Variants in SCAMP1 observed in about 807,000 individuals in gnomAD.
The protein encoded by SCAMP1 is secretory carrier membrane protein 1, also known as secretory carrier-associated membrane protein 1.
A neutral mutation model predicts 41.8 loss-of-function variants in SCAMP1; 15 were observed. That is an observed-to-expected ratio of 0.36 (90% CI 0.24 to 0.55). The LOEUF (loss-of-function observed/expected upper bound fraction) is 0.55, where lower values mean the gene tolerates loss of function less well. Ranked by LOEUF, SCAMP1 falls within the 20% of genes least tolerant of loss-of-function variation. The probability of loss-of-function intolerance (pLI) is 0.86; values close to 1 mark genes in which losing one functional copy is unlikely to be tolerated. For missense variants in SCAMP1, 341 were observed against 412.6 expected, an observed-to-expected ratio of 0.83 and a Z score of 1.50; for synonymous variants, 135 against 136.8, an observed-to-expected ratio of 0.99 and a Z score of 0.09.
rs188554530 is a variant in SCAMP1, at chr5:78,418,044, A to G, written c.344-731A>G. Reference sequence around the variant, plus strand: ...TTTATTTTAATTTTTTATTTCCCCCACCATTTCTCAAGTCTTATTTTTAAT... The same window carrying G: ...TTTATTTTAATTTTTTATTTCCCCCGCCATTTCTCAAGTCTTATTTTTAAT... On this transcript the variant is annotated intron_variant, in intron 4 of 8. Coordinates refer to ENST00000621999, the MANE Select transcript of SCAMP1 (RefSeq NM_004866.6). 8.1e-3 allele frequency among the ~76,000 whole-genome samples: 1,227 copies of G among 152,058 alleles called. 6 individuals carry two copies. The highest frequency in any genetic ancestry group is 0.034 in the South Asian group (164 of 4,804).
chr5:78,365,325 T>G (rs1750766761), intron 1 of SCAMP1, among the ~76,000 whole-genome samples: 1 of 151,454 alleles, frequency 6.6e-6, no homozygotes, highest in Non-Finnish European at 1.5e-5. Context: ...ACACAAAAAA[T>G]TAGCTTGGCG....
rs149658720 is a variant in SCAMP1 at position 78,472,266 on chromosome 5, G to C, written c.853-3238G>C. Among the ~76,000 whole-genome samples, 67 of 152,016 alleles carry C rather than the reference G, an allele frequency of 4.4e-4. 1 individual carries two copies. Among genetic ancestry groups the C allele is most frequent in the African/African-American group, 1.6e-3 (65 of 41,480 alleles). ...ATATTTTTTCTTTTTGATACTTTAT[G>C]TTCTGGGATACATGTGCAGAACATG... On this transcript the variant is annotated intron_variant, in intron 8 of 8. Coordinates refer to ENST00000621999, the MANE Select transcript of SCAMP1 (RefSeq NM_004866.6).
intron 7 of SCAMP1, among the ~76,000 whole-genome samples, chr5:78,455,502 G>A (rs1753367987): frequency 7.6e-6 from 1 of 130,766 alleles, no homozygotes; most frequent in African/African-American, 3.0e-5. Context: ...TTTTGAGTGA[G>A]ATTCTTAATC....
At position 78,444,570 on chromosome 5, in the gene SCAMP1, G is replaced by A. The variant is rs1040853506; in HGVS notation, c.633-5363G>A. Reference sequence around the variant, plus strand: ...AAGATGAGATTTGAGTGGGGACACAGCCAAATTCTATCAGTTTCTTTTTAT... The same window carrying A: ...AAGATGAGATTTGAGTGGGGACACAACCAAATTCTATCAGTTTCTTTTTAT... On this transcript the variant is annotated intron_variant, in intron 6 of 8. Coordinates refer to ENST00000621999, the MANE Select transcript of SCAMP1 (RefSeq NM_004866.6). Among the ~76,000 whole-genome samples, 6 of 152,298 alleles carry A rather than the reference G, an allele frequency of 3.9e-5. No individual in the cohort carries two copies. In the East Asian group the frequency reaches 9.7e-4, roughly 25 times the overall value.
chr5:78,453,724 A>G (rs1753305131), intron 7 of SCAMP1, among the ~76,000 whole-genome samples: 1 of 152,224 alleles, frequency 6.6e-6, no homozygotes, highest in Admixed American at 6.5e-5. Context: ...TCTGTGAAGA[A>G]AGTCATTGGT....
chr5:78,381,840 TAGGC>T (rs745711237), intron 1 of SCAMP1, among the ~76,000 whole-genome samples: 17 of 152,206 alleles, frequency 1.1e-4, no homozygotes, highest in Non-Finnish European at 2.2e-4. Context: ...GCTGGAAAAA[TAGGC>T]AGGCTAGATG....
chr5:78,440,701 C>T (rs1048691143), intron 6 of SCAMP1, among the ~76,000 whole-genome samples: 1 of 152,198 alleles, frequency 6.6e-6, no homozygotes, highest in Non-Finnish European at 1.5e-5. Flanking sequence ...AGATCTCAAA[C>T]TCCATGCTAG....
rs1752394133 is a variant in SCAMP1, at chr5:78,423,600, CTGT to C, written c.632+1642_632+1644del. Among the ~76,000 whole-genome samples the C allele has an allele frequency of 2.0e-5, 3 of 151,976 alleles. No individual in the cohort carries two copies. The South Asian group carries it at 6.2e-4, about 32-fold the overall frequency. On this transcript the variant is annotated intron_variant, in intron 6 of 8. Transcript: ENST00000621999. ...CTAGGGAATTTGGATTTTAAACCTT[CTGT>C]TACTTATGTAGCCAAAATAAATGAC...
intron 1 of SCAMP1, among the ~76,000 whole-genome samples, chr5:78,384,179 TC>T (rs66732090): frequency 0.33 from 21,893 of 66,254 alleles, 3,126 homozygotes; most frequent in Admixed American, 0.49. Context: ...AAGTTTTTTT[TC>T]TTTTTTTTTT....
Position 78,478,214 on chromosome 5 carries a change from G to A in SCAMP1, c.*2546G>A, listed in dbSNP as rs1482796568. ...TCCCTCTAATGTTGCATGTTTCAGT[G>A]GGTTGGAAGTTTTGTATATTTATTG... is the stretch of plus-strand genomic sequence containing the variant. On this transcript the variant is annotated 3_prime_UTR_variant, in exon 9 of 9. Coordinates refer to ENST00000621999, the MANE Select transcript of SCAMP1 (RefSeq NM_004866.6). The A allele has an allele frequency of 6.6e-6, 1 of 152,598 alleles. No individual in the cohort carries two copies. The allele number at this position is 152,598 out of a possible 1,614,324, so 9.5% of individuals were successfully genotyped here.
chr5:78,459,172 G>A, intron 7 of SCAMP1, 73 bp from the exon 8 acceptor site: 2 of 735,130 alleles, frequency 2.7e-6, no homozygotes, highest in Non-Finnish European at 4.9e-6. Flanking sequence ...TGTTGAATAT[G>A]TGTTAGATAT....
intron 1 of SCAMP1, among the ~76,000 whole-genome samples, chr5:78,383,142 G>T (rs1402820333): frequency 6.6e-6 from 1 of 152,166 alleles, no homozygotes; most frequent in Non-Finnish European, 1.5e-5. Flanking sequence ...TTTTGCAGGA[G>T]TAAGTTGGTA....
At position 78,419,455 on chromosome 5, in the gene SCAMP1, G is replaced by A. The variant is rs550295653; in HGVS notation, c.472+552G>A. 7.2e-4 allele frequency among the ~76,000 whole-genome samples: 109 copies of A among 152,190 alleles called. 1 individual carries two copies. The South Asian group carries it at 0.021, about 30-fold the overall frequency. On this transcript the variant is annotated intron_variant, in intron 5 of 8. Transcript: ENST00000621999. The stretch of plus-strand genomic sequence containing the variant: ...TGTTGAACGGAACATTAGAATATAC[G>A]TTTGGGGCTCTGATGCTTACATCAC...
chr5:78,402,801 G>T (rs1409437037), intron 2 of SCAMP1, among the ~76,000 whole-genome samples: 1 of 150,368 alleles, frequency 6.7e-6, no homozygotes, highest in Non-Finnish European at 1.5e-5. Context: ...GATTTAGTTG[G>T]GTTAATATAT....
rs140625846 is a variant in SCAMP1 at position 78,441,394 on chromosome 5, T to C, written c.633-8539T>C. 5.5e-3 allele frequency among the ~76,000 whole-genome samples: 832 copies of C among 152,340 alleles called. 4 individuals are homozygous for C. Among genetic ancestry groups the C allele is most frequent in the African/African-American group, 0.019 (787 of 41,580 alleles). ...GGTTTGAAGTTATGTTAACACTTTATTGAAGAGTTTAGGGGGGAAAATGAT... is the reference window on the plus strand; with the variant it reads ...GGTTTGAAGTTATGTTAACACTTTACTGAAGAGTTTAGGGGGGAAAATGAT... On this transcript the variant is annotated intron_variant, in intron 6 of 8. Coordinates refer to ENST00000621999, the MANE Select transcript of SCAMP1 (RefSeq NM_004866.6).
In SCAMP1 at chr5:78,415,394, A is replaced by G. The variant is rs139212944; in HGVS notation, c.136-126A>G. On this transcript the variant is annotated intron_variant, in intron 2 of 8. Coordinates refer to ENST00000621999, the MANE Select transcript of SCAMP1 (RefSeq NM_004866.6). ...GCAGCTCTTTGCCACACACTTGACT[A>G]TGAGAGAGCAGGGAATGAAGAGATG... The G allele has an allele frequency of 6.9e-4, 429 of 622,172 alleles. 7 individuals are homozygous for G. The highest frequency in any genetic ancestry group is 6.8e-3 in the South Asian group (333 of 49,250). The allele number at this position is 622,172 out of a possible 1,614,324, so 38.5% of individuals were successfully genotyped here. A position where few individuals can be genotyped will look rare whatever the true frequency, so the allele number is the denominator to read the frequency against.
intron 8 of SCAMP1, among the ~76,000 whole-genome samples, chr5:78,470,180 T>A (rs971661883): frequency 6.6e-6 from 1 of 152,150 alleles, no homozygotes; most frequent in Non-Finnish European, 1.5e-5. Context: ...TGGCAAAATA[T>A]GTATAACATA....
At chr5:78,410,041 A>C (rs1446035032) in intron 2 of SCAMP1, among the ~76,000 whole-genome samples, 2 of 151,650 alleles carry the variant, frequency 1.3e-5, no homozygotes, top group African/African-American at 2.4e-5. Context: ...TCAAGATAGC[A>C]GTTCTAAATG....
At chr5:78,376,099 G>T (rs1014851437) in intron 1 of SCAMP1, among the ~76,000 whole-genome samples, 1 of 152,040 alleles carries the variant, frequency 6.6e-6, no homozygotes, top group African/African-American at 2.4e-5. Context: ...TGAGGCTCAG[G>T]GGGGCATCAC....
Sources: gnomAD v4.1 joint callset for allele counts (sites outside exome capture counted in the v4.1 genomes callset) on GRCh38, gnomAD v4.1.1 for gene constraint, MANE v1.5 for transcripts, NCBI Gene and HGNC (gene_info 2026-07-23, HGNC 2026-07-21) for gene names.